MTMR12: variants seen among roughly 807,000 people sequenced by gnomAD.
The protein encoded by MTMR12 is myotubularin-related protein 12.
Under a neutral mutation model 96.7 loss-of-function variants are expected in MTMR12, and 33 were observed. The ratio of observed to expected loss-of-function variants is 0.34; its 90% CI spans 0.26 to 0.46. The LOEUF (loss-of-function observed/expected upper bound fraction) is 0.46. Among genes scored for constraint, MTMR12 ranks in the 20% least tolerant of loss-of-function variants. The probability of loss-of-function intolerance (pLI) is 1.00; values close to 1 mark genes in which losing one functional copy is unlikely to be tolerated. For missense variants in MTMR12, 721 were observed against 896.1 expected, an observed-to-expected ratio of 0.80 and a Z score of 2.49; for synonymous variants, 298 against 327.2, an observed-to-expected ratio of 0.91 and a Z score of 0.96.
rs1200984099 is a variant in MTMR12 at position 32,228,523 on chromosome 5, A to T, written c.*1255T>A. 2.0e-5 allele frequency: 2 copies of T among 98,690 alleles called. No individual in the cohort carries two copies. The highest frequency in any genetic ancestry group is 3.3e-5 in the African/African-American group (1 of 30,138). The allele number at this position is 98,690 out of a possible 1,614,324, so 6.1% of individuals were successfully genotyped here. A position where few individuals can be genotyped will look rare whatever the true frequency, so the allele number is the denominator to read the frequency against. On this transcript the variant is annotated 3_prime_UTR_variant, in exon 16 of 16. Coordinates refer to ENST00000382142, the MANE Select transcript of MTMR12 (RefSeq NM_001040446.3). Reference sequence around the variant, plus strand: ...CTTTCCTGCATTAAAAAAAATATATATCATATATATGATATATATATCATA... The same window carrying T: ...CTTTCCTGCATTAAAAAAAATATATTTCATATATATGATATATATATCATA...
At chr5:32,271,086 A>G in intron 4 of MTMR12, 139 bp from the exon 5 acceptor site, 1 of 1,036,122 alleles carries the variant, frequency 9.7e-7, no homozygotes, top group Non-Finnish European at 1.4e-6. Context: ...CTTTTAAGTG[A>G]CTGCCAAAGG....
chr5:32,304,083 G>GA (rs1223343082), intron 1 of MTMR12, among the ~76,000 whole-genome samples: 2 of 152,228 alleles, frequency 1.3e-5, no homozygotes, highest in East Asian at 3.9e-4. Context: ...AGCACTTTGG[G>GA]AGCCGAGGCG....
At chr5:32,249,433 G>C (rs1748827693) in intron 8 of MTMR12, among the ~76,000 whole-genome samples, 1 of 152,152 alleles carries the variant, frequency 6.6e-6, no homozygotes. Context: ...AGGAAGAATG[G>C]AATGTTGGCT....
chr5:32,260,491 A>T (rs1003261936), intron 7 of MTMR12, among the ~76,000 whole-genome samples: 1 of 151,796 alleles, frequency 6.6e-6, no homozygotes, highest in South Asian at 2.1e-4. Context: ...GATTTTTTTT[A>T]AAAACAATTC....
chr5:32,284,557 G>A (rs1389529996), intron 1 of MTMR12, among the ~76,000 whole-genome samples: 1 of 152,164 alleles, frequency 6.6e-6, no homozygotes, highest in African/African-American at 2.4e-5. Flanking sequence ...AGCTGCCTGT[G>A]TACTATCCCT....
At chr5:32,301,630 C>T (rs1751144890) in intron 1 of MTMR12, among the ~76,000 whole-genome samples, 1 of 152,224 alleles carries the variant, frequency 6.6e-6, no homozygotes, top group Non-Finnish European at 1.5e-5. Context: ...GTGGCTCATG[C>T]CTGTAATCCC....
chr5:32,244,947 T>C (rs1013528637), intron 10 of MTMR12, among the ~76,000 whole-genome samples: 12 of 152,286 alleles, frequency 7.9e-5, no homozygotes, highest in African/African-American at 2.4e-4. Flanking sequence ...TCTAAAGAAC[T>C]GAGGGTCCTG....
chr5:32,263,299 T>C, intron 6 of MTMR12, 57 bp from the exon 7 acceptor site: 2 of 1,601,008 alleles, frequency 1.2e-6, no homozygotes, highest in Non-Finnish European at 1.7e-6. Flanking sequence ...CTGGTGCTTT[T>C]ATTATGTGAA....
chr5:32,268,555 A>C, intron 6 of MTMR12, 146 bp downstream of exon 6: 1 of 534,534 alleles, frequency 1.9e-6, no homozygotes, highest in Non-Finnish European at 3.3e-6. Context: ...AGATATCTAA[A>C]TGAATCACTC....
intron 1 of MTMR12, among the ~76,000 whole-genome samples, chr5:32,281,232 A>G (rs1581629645): frequency 6.9e-6 from 1 of 144,924 alleles, no homozygotes; most frequent in East Asian, 2.2e-4. Flanking sequence ...TGGGCAACAG[A>G]AGGAGACTCT....
rs576453544 is a variant in MTMR12 at position 32,311,816 on chromosome 5, T to C, written c.81+942A>G. Among the ~76,000 whole-genome samples the C allele has an allele frequency of 5.3e-5, 8 of 152,332 alleles. No individual in the cohort carries two copies. In the South Asian group the frequency reaches 1.7e-3, roughly 32 times the overall value. On this transcript the variant is annotated intron_variant, in intron 1 of 15. Coordinates refer to ENST00000382142, the MANE Select transcript of MTMR12 (RefSeq NM_001040446.3). ...CACGACCTTCCCGGGGGCTGTTCCC[T>C]CTACCTGGACGACTCTTCTCTCAGA...
intron 5 of MTMR12, 120 bp from the exon 6 acceptor site, chr5:32,268,914 T>G (rs1350563808): frequency 1.4e-6 from 1 of 691,720 alleles, no homozygotes; most frequent in Non-Finnish European, 2.5e-6. Context: ...GACAACATAT[T>G]AATTCTCATT....
rs779101505 is a variant in MTMR12, at chr5:32,229,987, C to T, written c.2035G>A (p.Asp679Asn). 4 of 1,612,274 alleles carry T rather than the reference C, an allele frequency of 2.5e-6. No homozygotes were observed. The highest frequency in any genetic ancestry group is 3.4e-6 in the Non-Finnish European group (4 of 1,178,548). ...GCCTGCTGGCTGTGGTGTCTCTCGT[C>T]GATCTTCTCTTGTAAACTCTGGACT... ...EEVQSLQEKI[D>N]ERHHSQQAPQ... The change falls in exon 16 of 16, where the codon GAC becomes AAC. Residue 679 changes from aspartate (D) to asparagine (N), a missense_variant. By Grantham distance (23) the Asp-to-Asn change is conservative. Transcript: ENST00000382142.
intron 1 of MTMR12, among the ~76,000 whole-genome samples, chr5:32,284,378 T>C (rs921504315): frequency 6.6e-6 from 1 of 151,034 alleles, no homozygotes; most frequent in Admixed American, 6.6e-5. Flanking sequence ...GCCACTAATA[T>C]GGATGGCATC....
chr5:32,288,517 C>A (rs1044676311), intron 1 of MTMR12, among the ~76,000 whole-genome samples: 1 of 152,076 alleles, frequency 6.6e-6, no homozygotes, highest in Admixed American at 6.6e-5. Flanking sequence ...GACTGTGGCA[C>A]GTGATGAGGT....
chr5:32,311,277 C>T (rs927953667), intron 1 of MTMR12, among the ~76,000 whole-genome samples: 1 of 152,072 alleles, frequency 6.6e-6, no homozygotes, highest in African/African-American at 2.4e-5. Flanking sequence ...AATGTGATAC[C>T]ACAAGGGAAG....
At chr5:32,242,711 T>C (rs1423975050) in intron 11 of MTMR12, among the ~76,000 whole-genome samples, 1 of 151,876 alleles carries the variant, frequency 6.6e-6, no homozygotes, top group Non-Finnish European at 1.5e-5. Context: ...ACTCTTCATC[T>C]GGCTAGAGAT....
intron 7 of MTMR12, among the ~76,000 whole-genome samples, chr5:32,259,702 C>G (rs879809928): frequency 3.3e-5 from 5 of 152,182 alleles, no homozygotes; most frequent in Non-Finnish European, 7.3e-5. Flanking sequence ...TGAAAACTCA[C>G]AAGGACACCT....
intron 1 of MTMR12, among the ~76,000 whole-genome samples, chr5:32,288,629 G>A (rs1415260311): frequency 6.6e-6 from 1 of 152,238 alleles, no homozygotes; most frequent in African/African-American, 2.4e-5. Context: ...GATAATGGTA[G>A]AAGGAACATA....
Sources: gnomAD v4.1 joint callset for allele counts (sites outside exome capture counted in the v4.1 genomes callset) on GRCh38, gnomAD v4.1.1 for gene constraint, MANE v1.5 for transcripts, NCBI Gene and HGNC (gene_info 2026-07-23, HGNC 2026-07-21) for gene names.